RPTOR: variants seen among roughly 807,000 people sequenced by gnomAD.
The protein encoded by RPTOR is regulatory associated protein of MTOR complex 1, also known as regulatory-associated protein of mTOR.
Under a neutral mutation model 169.9 loss-of-function variants are expected in RPTOR, and 21 were observed. The ratio of observed to expected loss-of-function variants is 0.12; its 90% CI spans 0.09 to 0.18. RPTOR has a LOEUF of 0.18. RPTOR is among the 10% of genes least tolerant of loss of function. The pLI is 1.00. For missense variants in RPTOR, 1,133 were observed against 1,855.9 expected (o/e 0.61, Z 7.16); for synonymous variants, 732 against 753.2 (o/e 0.97, Z 0.46).
rs555196062 is a variant in RPTOR at position 80,937,978 on chromosome 17, A to T, written c.2920-2518A>T. Among the ~76,000 whole-genome samples, 38 of 152,320 alleles carry T rather than the reference A, an allele frequency of 2.5e-4. 1 individual carries two copies. The South Asian group carries it at 3.7e-3, about 15-fold the overall frequency. ...GTGGTTCCGGAACCGCGTCCCGTTC[A>T]GAAAGTCTCTTCCCAGCCCAGCAAG... On this transcript the variant is annotated intron_variant, in intron 24 of 33. Transcript: ENST00000306801.
intron 7 of RPTOR, among the ~76,000 whole-genome samples, chr17:80,814,645 G>A (rs975598754): frequency 3.3e-5 from 5 of 152,146 alleles, no homozygotes; most frequent in Admixed American, 2.6e-4. Flanking sequence ...GTATGTATGC[G>A]GCACCTGTTC....
chr17:80,737,007 G>A (rs186064336), intron 5 of RPTOR, among the ~76,000 whole-genome samples: 33 of 152,336 alleles, frequency 2.2e-4, no homozygotes, highest in African/African-American at 7.7e-4. Context: ...CAGTAGGGAC[G>A]TGAGCTGACA....
At chr17:80,709,866 G>A (rs969406866) in intron 4 of RPTOR, among the ~76,000 whole-genome samples, 6 of 152,174 alleles carry the variant, frequency 3.9e-5, no homozygotes, top group African/African-American at 1.4e-4. Context: ...ATCGGTTTGA[G>A]GGAATTCTTT....
At chr17:80,687,348 C>T (rs1012517985) in intron 3 of RPTOR, among the ~76,000 whole-genome samples, 7 of 152,230 alleles carry the variant, frequency 4.6e-5, no homozygotes, top group African/African-American at 1.7e-4. Flanking sequence ...CTGATCGAGC[C>T]ACAGTCCCAC....
rs140671343 is a variant in RPTOR at position 80,628,938 on chromosome 17, G to A, written c.265+3145G>A. 3.1e-4 allele frequency among the ~76,000 whole-genome samples: 47 copies of A among 152,048 alleles called. No homozygotes were observed. The South Asian group carries it at 5.2e-3, about 17-fold the overall frequency. The stretch of plus-strand genomic sequence containing the variant: ...GTATTGTGCTGTTAGACATTGTACC[G>A]CAGCTCTTCCATGTGTCTCTCTCTT... On this transcript the variant is annotated intron_variant, in intron 2 of 33. Coordinates refer to ENST00000306801, the MANE Select transcript of RPTOR (RefSeq NM_020761.3).
intron 1 of RPTOR, among the ~76,000 whole-genome samples, chr17:80,561,263 G>GTGTATATATATACA (rs1297941814): frequency 5.1e-5 from 1 of 19,610 alleles, no homozygotes; most frequent in African/African-American, 9.1e-5. Flanking sequence ...ATATATATAT[G>GTGTATATATATACA]TATATATATA....
At chr17:80,838,821 C>G (rs1052403031) in intron 10 of RPTOR, among the ~76,000 whole-genome samples, 1 of 152,164 alleles carries the variant, frequency 6.6e-6, no homozygotes, top group Non-Finnish European at 1.5e-5. Context: ...GCTTTGCCAC[C>G]GAGGGCAAGT....
chr17:80,758,677 A>G (rs1598285213), intron 6 of RPTOR, among the ~76,000 whole-genome samples: 1 of 151,914 alleles, frequency 6.6e-6, no homozygotes, highest in Non-Finnish European at 1.5e-5. Flanking sequence ...CATTTCTCCC[A>G]TGTTCCCGTC....
chr17:80,866,001 CAG>C (rs1425286864), intron 13 of RPTOR, among the ~76,000 whole-genome samples: 1 of 152,002 alleles, frequency 6.6e-6, no homozygotes, highest in East Asian at 1.9e-4. Flanking sequence ...CACTTAGAAA[CAG>C]AAACTTTTAG....
intron 3 of RPTOR, among the ~76,000 whole-genome samples, chr17:80,696,106 G>A (rs923463827): frequency 6.6e-6 from 1 of 152,198 alleles, no homozygotes; most frequent in African/African-American, 2.4e-5. Context: ...GCTGCAGCCT[G>A]GAGTTCAGGC....
At chr17:80,755,391 G>A (rs921404543) in intron 6 of RPTOR, among the ~76,000 whole-genome samples, 18 of 152,150 alleles carry the variant, frequency 1.2e-4, no homozygotes, top group African/African-American at 3.9e-4. Context: ...CCTTGAGCGC[G>A]GGAGTTTTGA....
chr17:80,663,382 A>G (rs1371305821), intron 3 of RPTOR, among the ~76,000 whole-genome samples: 1 of 146,152 alleles, frequency 6.8e-6, no homozygotes, highest in Non-Finnish European at 1.5e-5. Flanking sequence ...CTAAATTGAC[A>G]AAAATGACAA....
chr17:80,945,892 C>T (rs1185365875), intron 26 of RPTOR, 111 bp downstream of exon 26: 3 of 585,748 alleles, frequency 5.1e-6, no homozygotes, highest in Non-Finnish European at 8.5e-6. Flanking sequence ...ACAAGGCACT[C>T]ACCCCGAGGC....
Position 80,545,327 on chromosome 17 carries a change from C to G in RPTOR, c.-303C>G, listed in dbSNP as rs569271353. On this transcript the variant is annotated 5_prime_UTR_variant, in exon 1 of 34. Transcript: ENST00000306801. ...ACGCTTTTGGCAGCTCCCCTCGCAG[C>G]CCCTCTGGAAACGTACAGCCTCAGG... is the stretch of plus-strand genomic sequence containing the variant. 3.5e-6 allele frequency: 1 copy of G among 284,028 alleles called. No individual in the cohort carries two copies. The highest frequency in any genetic ancestry group is 2.1e-5 in the African/African-American group (1 of 46,820). 17.6% of individuals were successfully genotyped at this position (284,028 alleles called of 1,614,324 possible).
chr17:80,743,570 G>A (rs2066506647), intron 5 of RPTOR: 2 of 434,726 alleles, frequency 4.6e-6, no homozygotes, highest in Middle Eastern at 1.2e-3. Flanking sequence ...GCGTGGGCTA[G>A]AAATCATGGA....
At chr17:80,816,613 G>T (rs545285766) in intron 7 of RPTOR, among the ~76,000 whole-genome samples, 1 of 152,328 alleles carries the variant, frequency 6.6e-6, no homozygotes, top group South Asian at 2.1e-4. Flanking sequence ...ACTAAGGGAG[G>T]AGCCGGGTGC....
chr17:80,682,604 T>C (rs1287369339), intron 3 of RPTOR, among the ~76,000 whole-genome samples: 1 of 152,180 alleles, frequency 6.6e-6, no homozygotes, highest in Non-Finnish European at 1.5e-5. Flanking sequence ...CACCAGAAAC[T>C]GGAAGAGGCC....
At chr17:80,583,182 GTTTTTTTTTTTTTTT>G (rs1166711662) in intron 1 of RPTOR, among the ~76,000 whole-genome samples, 1 of 79,270 alleles carries the variant, frequency 1.3e-5, no homozygotes, top group Non-Finnish European at 2.4e-5. Flanking sequence ...CCTCTTTCCT[GTTTTTTTTTTTTTTT>G]TTTTTTTTTG....
At chr17:80,852,635 G>T (rs1408130295) in intron 11 of RPTOR, among the ~76,000 whole-genome samples, 2 of 152,106 alleles carry the variant, frequency 1.3e-5, no homozygotes, top group African/African-American at 2.4e-5. Flanking sequence ...GGCTGGACAT[G>T]CTGGGATCCC....
Sources: gnomAD v4.1 joint callset for allele counts (sites outside exome capture counted in the v4.1 genomes callset) on GRCh38, gnomAD v4.1.1 for gene constraint, MANE v1.5 for transcripts, NCBI Gene and HGNC (gene_info 2026-07-23, HGNC 2026-07-21) for gene names.